The following PABPC4L variants were observed in gnomAD, a reference collection of about 807,000 sequenced individuals.
The protein encoded by PABPC4L is polyadenylate-binding protein 4-like.
For synonymous variants in PABPC4L, 169 were observed against 164.1 expected, an observed-to-expected ratio of 1.03 and a Z score of -0.23; for missense variants, 452 against 451.4, an observed-to-expected ratio of 1.00 and a Z score of -0.01.
the PABPC4L span, chr4:134,010,736 T>C: frequency 3.3e-5 from 5 of 152,158 alleles, no homozygotes; most frequent in South Asian, 2.1e-4. Flanking sequence ...TCGATGTATG[T>C]AAATCTCTTC....
chr4:134,192,637 GAATA>G (rs538195569), downstream of PABPC4L, among the ~76,000 whole-genome samples: 68 of 152,062 alleles, frequency 4.5e-4, no homozygotes, highest in Non-Finnish European at 8.7e-4. Flanking sequence ...CATGGTGAAA[GAATA>G]AATAATTTGT....
At chr4:134,008,752 C>T in the PABPC4L span, among the ~76,000 whole-genome samples, 1 of 151,428 alleles carries the variant, frequency 6.6e-6, no homozygotes, top group African/African-American at 2.4e-5. Flanking sequence ...TCTTTTTGAA[C>T]CAGTAATTTC....
the PABPC4L span, among the ~76,000 whole-genome samples, chr4:134,166,677 A>T: frequency 6.6e-6 from 1 of 152,212 alleles, no homozygotes; most frequent in Non-Finnish European, 1.5e-5. Flanking sequence ...GCATGTGGAA[A>T]GAAAAGTAAA....
At chr4:134,157,835 C>A in the PABPC4L span, among the ~76,000 whole-genome samples, 1 of 151,754 alleles carries the variant, frequency 6.6e-6, no homozygotes, top group South Asian at 2.1e-4. Context: ...AAACAATTTT[C>A]TTTCTACTGG....
chr4:134,109,481 T>G, the PABPC4L span, among the ~76,000 whole-genome samples: 2 of 151,544 alleles, frequency 1.3e-5, no homozygotes, highest in South Asian at 4.2e-4. Flanking sequence ...AGAAGTGAAA[T>G]AAATAAATAG....
rs1459968601 is a variant in PABPC4L at position 134,200,369 on chromosome 4, C to CA, written c.650dup (p.Ser218GlufsTer3). On this transcript the variant is annotated frameshift_variant, in exon 2 of 2. Coordinates refer to ENST00000421491, the MANE Select transcript of PABPC4L (RefSeq NM_001114734.2). LOFTEE classifies it low-confidence loss of function (END_TRUNC). ...TGGAATCTGTCATCACCTTAACACT[C>CA]AGAGTTTTGCCATATTTGCTGAAAA... 6.3e-7 allele frequency: 1 copy of CA among 1,585,154 alleles called. No individual in the cohort carries two copies. The highest frequency in any genetic ancestry group is 1.8e-5 in the Admixed American group (1 of 56,448).
the PABPC4L span, among the ~76,000 whole-genome samples, chr4:134,013,697 T>A: frequency 6.6e-6 from 1 of 152,032 alleles, no homozygotes; most frequent in Non-Finnish European, 1.5e-5. Flanking sequence ...CTCCCTAGTC[T>A]CTGTTCCCAA....
At chr4:134,172,394 T>C in the PABPC4L span, among the ~76,000 whole-genome samples, 2 of 152,036 alleles carry the variant, frequency 1.3e-5, no homozygotes, top group Non-Finnish European at 2.9e-5. Context: ...TTTGACAAAG[T>C]TGACCAACTA....
chr4:134,152,458 C>T, the PABPC4L span, among the ~76,000 whole-genome samples: 1 of 152,040 alleles, frequency 6.6e-6, no homozygotes, highest in Admixed American at 6.6e-5. Context: ...TAAGCAAAGC[C>T]CTGGTGAGTA....
chr4:133,979,076 TAAATG>T, the PABPC4L span, among the ~76,000 whole-genome samples: 29 of 152,144 alleles, frequency 1.9e-4, no homozygotes, highest in African/African-American at 7.0e-4. Flanking sequence ...TCTTCCTAAA[TAAATG>T]AAAAGATTTT....
At chr4:134,115,838 T>C in the PABPC4L span, among the ~76,000 whole-genome samples, 1 of 151,716 alleles carries the variant, frequency 6.6e-6, no homozygotes, top group Non-Finnish European at 1.5e-5. Flanking sequence ...TATTTTCAAT[T>C]ATTATCACAT....
the PABPC4L span, among the ~76,000 whole-genome samples, chr4:134,079,737 A>G: frequency 1.3e-5 from 2 of 151,748 alleles, no homozygotes; most frequent in South Asian, 2.1e-4. Context: ...TTTCCCCCCA[A>G]TTAATAGAAA....
At chr4:134,112,773 G>C in the PABPC4L span, among the ~76,000 whole-genome samples, 1 of 151,790 alleles carries the variant, frequency 6.6e-6, no homozygotes, top group Non-Finnish European at 1.5e-5. Flanking sequence ...ATGCTTTCTA[G>C]AATAGTATTA....
the PABPC4L span, among the ~76,000 whole-genome samples, chr4:134,109,112 T>C: frequency 6.6e-6 from 1 of 152,008 alleles, no homozygotes; most frequent in South Asian, 2.1e-4. Flanking sequence ...GTAAGGTTTG[T>C]AATGCTTTTC....
chr4:134,095,387 C>G, the PABPC4L span, among the ~76,000 whole-genome samples: 1 of 151,856 alleles, frequency 6.6e-6, no homozygotes, highest in East Asian at 1.9e-4. Flanking sequence ...AACATTTAAA[C>G]AAATGCATGT....
chr4:133,972,398 A>T, the PABPC4L span, among the ~76,000 whole-genome samples: 2 of 152,268 alleles, frequency 1.3e-5, no homozygotes, highest in Non-Finnish European at 2.9e-5. Context: ...AAATACTGTT[A>T]TGTGTCACAC....
At chr4:134,186,611 C>T in the PABPC4L span, among the ~76,000 whole-genome samples, 15 of 152,050 alleles carry the variant, frequency 9.9e-5, no homozygotes, top group African/African-American at 3.1e-4. Context: ...CTATGAAATA[C>T]CATTCAGGAC....
At chr4:134,038,951 T>C in the PABPC4L span, among the ~76,000 whole-genome samples, 2 of 152,190 alleles carry the variant, frequency 1.3e-5, no homozygotes, top group African/African-American at 4.8e-5. Context: ...CTTTCTCTTG[T>C]AGGCATTTAG....
At chr4:134,060,396 G>T in the PABPC4L span, among the ~76,000 whole-genome samples, 3 of 151,630 alleles carry the variant, frequency 2.0e-5, no homozygotes, top group Admixed American at 2.0e-4. Context: ...AACACTCCCT[G>T]AAACCTAGGC....
Sources: allele counts gnomAD v4.1 joint callset (sites outside exome capture counted in the v4.1 genomes callset), GRCh38; gene constraint gnomAD v4.1.1; transcripts MANE v1.5; gene names NCBI Gene and HGNC (gene_info 2026-07-23, HGNC 2026-07-21).